GNG2: variants seen among roughly 807,000 people sequenced by gnomAD.
The protein encoded by GNG2 is guanine nucleotide-binding protein G(I)/G(S)/G(O) subunit gamma-2.
A neutral mutation model predicts 5.5 loss-of-function variants in GNG2; 5 were observed. The observed-to-expected ratio is 0.91, with a 90% CI of 0.48 to 1.92. The LOEUF is 1.92. GNG2 is among the 30% of genes most tolerant of loss of function. The probability of loss-of-function intolerance (pLI) is 0.01; values close to 1 mark genes in which losing one functional copy is unlikely to be tolerated. For missense variants in GNG2, 55 were observed against 88.4 expected (o/e 0.62, Z 1.52); for synonymous variants, 28 against 32.0 (o/e 0.88, Z 0.42).
At chr14:51,855,644 G>A (rs116678031), upstream of GNG2, among the ~76,000 whole-genome samples, 2,561 of 152,298 alleles carry the variant, frequency 0.017, 33 homozygotes, top group South Asian at 0.03. Context: ...GCCATTAAAT[G>A]TACCATCAAT....
chr14:51,896,339 G>C (rs1438393847), intron 2 of GNG2, among the ~76,000 whole-genome samples: 1 of 152,184 alleles, frequency 6.6e-6, no homozygotes, highest in African/African-American at 2.4e-5. Flanking sequence ...AACCCTGGTG[G>C]TATTGTCCTC....
At chr14:51,925,304 T>C (rs149336138) in intron 2 of GNG2, among the ~76,000 whole-genome samples, 1 of 152,322 alleles carries the variant, frequency 6.6e-6, no homozygotes, top group African/African-American at 2.4e-5. Context: ...ATATAACATA[T>C]ATGTCAGTTA....
In GNG2 at chr14:51,843,469, T is replaced by C. The variant is rs1178900462; in HGVS notation, c.64+15662T>C. Among the ~76,000 whole-genome samples the C allele has an allele frequency of 2.0e-5, 3 of 152,048 alleles. No homozygotes were observed. The East Asian group carries it at 5.8e-4, about 29-fold the overall frequency. ...AGCATTAGGACAAACACTTGATGCA[T>C]GTAGGGCTTAAAACCTGGATGACAG... On this transcript the variant is annotated intron_variant, in intron 2 of 3. Coordinates refer to the GNG2 transcript ENST00000553432.
intron 2 of GNG2, among the ~76,000 whole-genome samples, chr14:51,892,320 T>A (rs1290644377): frequency 2.0e-5 from 3 of 149,454 alleles, no homozygotes; most frequent in South Asian, 2.1e-4. Flanking sequence ...TTTTATTTTA[T>A]TTTTTTTTTG....
intron 3 of GNG2, among the ~76,000 whole-genome samples, chr14:51,954,877 T>C (rs1253636): frequency 0.85 from 129,735 of 152,068 alleles, 56,946 homozygotes; most frequent in Non-Finnish European, 0.98. Flanking sequence ...AGTCCTAGAG[T>C]GCCATCTCTG....
intron 2 of GNG2, among the ~76,000 whole-genome samples, chr14:51,910,132 A>C (rs1010174571): frequency 1.3e-5 from 2 of 152,234 alleles, no homozygotes; most frequent in African/African-American, 4.8e-5. Flanking sequence ...ATACAATAAT[A>C]TAATCACAAA....
chr14:51,966,209 CAAAAAA>C (rs34653524), intron 3 of GNG2, among the ~76,000 whole-genome samples: 535 of 28,050 alleles, frequency 0.019, 3 homozygotes, highest in Non-Finnish European at 0.025. Flanking sequence ...GACTGCATCT[CAAAAAA>C]AAAAAAAAAA....
At chr14:51,904,162 G>A (rs1013194352) in intron 2 of GNG2, among the ~76,000 whole-genome samples, 1 of 152,118 alleles carries the variant, frequency 6.6e-6, no homozygotes. Context: ...TCACACAGCC[G>A]ACACCTGACC....
chr14:51,957,677 T>G (rs551875621), intron 3 of GNG2, among the ~76,000 whole-genome samples: 2 of 152,208 alleles, frequency 1.3e-5, no homozygotes, highest in African/African-American at 4.8e-5. Flanking sequence ...CATTTAAGTA[T>G]GCAAATCATC....
At chr14:51,887,749 C>T (rs776889060) in intron 2 of GNG2, among the ~76,000 whole-genome samples, 1 of 152,136 alleles carries the variant, frequency 6.6e-6, no homozygotes, top group African/African-American at 2.4e-5. Flanking sequence ...CTTTCTCAAC[C>T]TTAAGTCTCC....
chr14:51,895,897 G>A (rs1885161376), intron 2 of GNG2, among the ~76,000 whole-genome samples: 1 of 152,186 alleles, frequency 6.6e-6, no homozygotes, highest in Non-Finnish European at 1.5e-5. Flanking sequence ...TGCTCTCTTT[G>A]CCTGCTGCCA....
At chr14:51,917,903 G>A (rs1479987265) in intron 2 of GNG2, among the ~76,000 whole-genome samples, 6 of 152,066 alleles carry the variant, frequency 3.9e-5, no homozygotes. Context: ...GCGGGCGCCT[G>A]TAGTCCCAGC....
intron 2 of GNG2, among the ~76,000 whole-genome samples, chr14:51,943,986 A>G (rs1888499423): frequency 6.6e-6 from 1 of 152,248 alleles, no homozygotes; most frequent in Admixed American, 6.5e-5. Flanking sequence ...TAGCCAAAGC[A>G]TTCTTGAAAC....
chr14:51,864,655 G>T (rs1262363201), intron 1 of GNG2, among the ~76,000 whole-genome samples: 2 of 152,142 alleles, frequency 1.3e-5, no homozygotes, highest in Admixed American at 1.3e-4. Context: ...TGATTCTGCT[G>T]GTCAAATCTC....
chr14:51,869,604 C>A (rs1189961227), intron 1 of GNG2, among the ~76,000 whole-genome samples: 1 of 152,162 alleles, frequency 6.6e-6, no homozygotes, highest in Non-Finnish European at 1.5e-5. Flanking sequence ...CCTCAGCCTG[C>A]AGGTGGGAGG....
At chr14:51,892,425 C>T (rs1295415304) in intron 2 of GNG2, among the ~76,000 whole-genome samples, 2 of 151,904 alleles carry the variant, frequency 1.3e-5, no homozygotes, top group Non-Finnish European at 2.9e-5. Context: ...GGTTCTCCTG[C>T]CTCTGCTGGG....
chr14:51,940,325 T>C (rs1452530276), intron 2 of GNG2: 1 of 152,320 alleles, frequency 6.6e-6, no homozygotes, highest in Admixed American at 6.5e-5. Context: ...CTATCCACAG[T>C]TGGATATCTT....
intron 2 of GNG2, among the ~76,000 whole-genome samples, chr14:51,835,594 T>C (rs1380348141): frequency 6.6e-6 from 1 of 152,146 alleles, no homozygotes; most frequent in Admixed American, 6.5e-5. Flanking sequence ...GTTCTGTGTG[T>C]CTCTGCAAAC....
intron 1 of GNG2, among the ~76,000 whole-genome samples, chr14:51,864,505 G>A (rs1158451300): frequency 6.6e-6 from 1 of 152,116 alleles, no homozygotes; most frequent in Non-Finnish European, 1.5e-5. Flanking sequence ...TATTATCCCT[G>A]CGTAAATAAA....
Sources: gnomAD v4.1 joint callset for allele counts (sites outside exome capture counted in the v4.1 genomes callset) on GRCh38, gnomAD v4.1.1 for gene constraint, MANE v1.5 for transcripts, NCBI Gene and HGNC (gene_info 2026-07-23, HGNC 2026-07-21) for gene names.